The following RPAP2 variants were observed in gnomAD, a reference collection of about 807,000 sequenced individuals.
The protein encoded by RPAP2 is putative RNA polymerase II subunit B1 CTD phosphatase RPAP2.
Under a neutral mutation model 73.1 loss-of-function variants are expected in RPAP2, and 52 were observed. That is an observed-to-expected ratio of 0.71 (90% CI 0.57 to 0.90). The LOEUF (loss-of-function observed/expected upper bound fraction) is 0.90. RPAP2 is among the 40% of genes least tolerant of loss of function. The probability of loss-of-function intolerance (pLI) is 0.00; values close to 1 mark genes in which losing one functional copy is unlikely to be tolerated. For missense variants in RPAP2, 598 were observed against 701.8 expected (o/e 0.85, Z 1.67); for synonymous variants, 225 against 242.1 (o/e 0.93, Z 0.65).
At chr1:92,347,100 A>G (rs1653943349) in intron 11 of RPAP2, among the ~76,000 whole-genome samples, 1 of 152,318 alleles carries the variant, frequency 6.6e-6, no homozygotes, top group Admixed American at 6.5e-5. Flanking sequence ...AATCTGTGTC[A>G]CCCAACTAGA....
intron 9 of RPAP2, 92 bp downstream of exon 9, chr1:92,333,565 G>C: frequency 1.2e-6 from 1 of 838,286 alleles, no homozygotes; most frequent in Non-Finnish European, 1.9e-6. Flanking sequence ...CTCAGATTTT[G>C]AACATTTTGA....
At chr1:92,344,545 A>G (rs889104866) in intron 10 of RPAP2, among the ~76,000 whole-genome samples, 2 of 152,222 alleles carry the variant, frequency 1.3e-5, no homozygotes, top group African/African-American at 4.8e-5. Context: ...TTACAAGCAA[A>G]GTTGCATTAA....
intron 1 of RPAP2, among the ~76,000 whole-genome samples, 167 bp downstream of exon 1, chr1:92,299,313 G>C (rs1384187797): frequency 1.3e-5 from 2 of 152,188 alleles, no homozygotes; most frequent in African/African-American, 4.8e-5. Flanking sequence ...TCCTGGGAAA[G>C]ATTTCCTGGC....
intron 3 of RPAP2, among the ~76,000 whole-genome samples, chr1:92,302,589 A>ATTTTTT (rs1557586485): frequency 7.6e-5 from 7 of 92,266 alleles, no homozygotes; most frequent in Admixed American, 1.4e-4. Flanking sequence ...TTCCGCATTA[A>ATTTTTT]ATTTTTTTTT....
intron 6 of RPAP2, among the ~76,000 whole-genome samples, chr1:92,308,378 C>CT (rs1167291367): frequency 6.6e-6 from 1 of 152,162 alleles, no homozygotes; most frequent in African/African-American, 2.4e-5. Context: ...GCTAAGAGTA[C>CT]TTTTTTACTT....
chr1:92,314,304 G>C (rs1272464757), intron 6 of RPAP2, among the ~76,000 whole-genome samples: 1 of 150,714 alleles, frequency 6.6e-6, no homozygotes, highest in African/African-American at 2.4e-5. Flanking sequence ...GCCATTGTAA[G>C]GGTTTTTTTG....
rs200138332 is a variant in RPAP2 at position 92,300,150 on chromosome 1, A to C, written c.74-44A>C. ...GCTGTCTGTATGCTGTCCGTCGTTT[A>C]CGGAAATGTCATTATGTAGCACATG... On this transcript the variant is annotated intron_variant, in intron 1 of 12. Transcript: ENST00000610020. 4 of 1,392,628 alleles carry C rather than the reference A, an allele frequency of 2.9e-6. No individual in the cohort carries two copies. The South Asian group carries it at 4.7e-5, about 16-fold the overall frequency. 86.3% of individuals were successfully genotyped at this position (1,392,628 alleles called of 1,614,324 possible).
At chr1:92,335,630 CAT>C (rs1293200819) in intron 9 of RPAP2, among the ~76,000 whole-genome samples, 1 of 152,014 alleles carries the variant, frequency 6.6e-6, no homozygotes, top group Non-Finnish European at 1.5e-5. Flanking sequence ...TTATATAATA[CAT>C]GTTTTTATAA....
At chr1:92,303,884 T>C in intron 3 of RPAP2, 93 bp from the exon 4 acceptor site, 1 of 764,888 alleles carries the variant, frequency 1.3e-6, no homozygotes, top group Non-Finnish European at 2.1e-6. Context: ...TTGCTATCCC[T>C]GTGTTTTCAG....
chr1:92,369,363 C>T (rs759185295), intron 11 of RPAP2, among the ~76,000 whole-genome samples: 8 of 152,144 alleles, frequency 5.3e-5, no homozygotes, highest in Non-Finnish European at 1.0e-4. Context: ...ATGATCATAG[C>T]GCACTGTAAA....
At position 92,395,211 on chromosome 1, in the gene RPAP2, A is replaced by T. The variant is rs914926552; in HGVS notation, c.*8200A>T. On this transcript the variant is annotated 3_prime_UTR_variant, in exon 13 of 13. Coordinates refer to ENST00000610020, the MANE Select transcript of RPAP2 (RefSeq NM_024813.3). Reference sequence around the variant, plus strand: ...TAAAACTATAAAACATGTAGAAGAAAACATGGGAGAAAACCTAGATGACCT... The same window carrying T: ...TAAAACTATAAAACATGTAGAAGAATACATGGGAGAAAACCTAGATGACCT... 1 of 152,224 alleles carries T rather than the reference A, an allele frequency of 6.6e-6. No individual in the cohort carries two copies. The highest frequency in any genetic ancestry group is 2.4e-5 in the African/African-American group (1 of 41,464). 9.4% of individuals were successfully genotyped at this position (152,224 alleles called of 1,614,324 possible).
chr1:92,309,360 T>C (rs1254510190), intron 6 of RPAP2, among the ~76,000 whole-genome samples: 2 of 150,932 alleles, frequency 1.3e-5, no homozygotes, highest in African/African-American at 2.4e-5. Flanking sequence ...GAGAATTGCT[T>C]GAACCTGGGA....
Position 92,323,691 on chromosome 1 carries a change from C to T in RPAP2, c.771C>T (p.Asn257=). 6.2e-7 allele frequency: 1 copy of T among 1,613,946 alleles called. No individual in the cohort carries two copies. The highest frequency in any genetic ancestry group is 8.5e-7 in the Non-Finnish European group (1 of 1,179,954). The change falls in exon 8 of 13, where the codon AAC becomes AAT. Residue 257 remains asparagine (N), a synonymous_variant. Transcript: ENST00000610020. The part of the protein sequence containing the change: ...IMKKKAGHKA[N]SKHKDKEQTV... ...AAAAGAAAGCTGGTCACAAAGCTAA[C>T]TCCAAACACAAAGACAAAGAACAGA...
intron 11 of RPAP2, among the ~76,000 whole-genome samples, chr1:92,357,116 C>CAT (rs1654513563): frequency 6.6e-6 from 1 of 150,696 alleles, no homozygotes. Flanking sequence ...CACACACACA[C>CAT]ACACAAACAG....
intron 5 of RPAP2, among the ~76,000 whole-genome samples, chr1:92,304,925 C>G (rs1651096796): frequency 6.6e-6 from 1 of 151,160 alleles, no homozygotes; most frequent in Admixed American, 6.6e-5. Flanking sequence ...TACCTGAGCT[C>G]AAGGAGTTGG....
At chr1:92,351,571 C>G (rs1254802095) in intron 11 of RPAP2, among the ~76,000 whole-genome samples, 1 of 152,102 alleles carries the variant, frequency 6.6e-6, no homozygotes, top group Admixed American at 6.6e-5. Flanking sequence ...TTACTCCTTC[C>G]CTCTTCCCTT....
chr1:92,341,905 C>T (rs978741130), intron 10 of RPAP2, among the ~76,000 whole-genome samples: 1 of 152,130 alleles, frequency 6.6e-6, no homozygotes, highest in African/African-American at 2.4e-5. Flanking sequence ...GGCCTCCCAA[C>T]GTGCTAGGAT....
At chr1:92,326,981 C>T (rs1212504431) in intron 8 of RPAP2, among the ~76,000 whole-genome samples, 1 of 152,210 alleles carries the variant, frequency 6.6e-6, no homozygotes, top group African/African-American at 2.4e-5. Context: ...ACTTCCTGTT[C>T]ATTTGGAATT....
chr1:92,359,595 T>C (rs1311339430), intron 11 of RPAP2, among the ~76,000 whole-genome samples: 2 of 152,222 alleles, frequency 1.3e-5, no homozygotes, highest in African/African-American at 4.8e-5. Context: ...GCTGGGATTA[T>C]AGGCATGAGC....
Sources: gnomAD v4.1 joint callset for allele counts (sites outside exome capture counted in the v4.1 genomes callset) on GRCh38, gnomAD v4.1.1 for gene constraint, MANE v1.5 for transcripts, NCBI Gene and HGNC (gene_info 2026-07-23, HGNC 2026-07-21) for gene names.